LRRC4C: variants seen among roughly 807,000 people sequenced by gnomAD.
The protein encoded by LRRC4C is leucine-rich repeat-containing protein 4C.
Under a neutral mutation model 33.6 loss-of-function variants are expected in LRRC4C, and 5 were observed. The ratio of observed to expected loss-of-function variants is 0.15; its 90% CI spans 0.08 to 0.31. LRRC4C has a LOEUF of 0.31. LRRC4C is among the 10% of genes least tolerant of loss of function. The probability of loss-of-function intolerance (pLI) is 1.00; values close to 1 mark genes in which losing one functional copy is unlikely to be tolerated. For missense variants in LRRC4C, 560 were observed against 796.7 expected (o/e 0.70, Z 3.58); for synonymous variants, 329 against 302.0 (o/e 1.09, Z -0.93).
intron 1 of LRRC4C, among the ~76,000 whole-genome samples, chr11:41,183,950 G>A (rs1342442744): frequency 6.6e-6 from 1 of 152,190 alleles, no homozygotes; most frequent in African/African-American, 2.4e-5. Flanking sequence ...AAGCTGCCAA[G>A]GCTTGGGGCT....
chr11:41,179,496 A>T (rs1464385826), intron 1 of LRRC4C, among the ~76,000 whole-genome samples: 3 of 152,188 alleles, frequency 2.0e-5, no homozygotes, highest in Non-Finnish European at 4.4e-5. Context: ...CTTCTCATTA[A>T]CTATCTAATT....
chr11:40,433,453 G>C (rs1951017198), intron 3 of LRRC4C, among the ~76,000 whole-genome samples: 1 of 152,112 alleles, frequency 6.6e-6, no homozygotes, highest in African/African-American at 2.4e-5. Context: ...AAGTGCCAAG[G>C]AGAGTATTTC....
At chr11:40,217,082 G>A (rs1864031579) in intron 5 of LRRC4C, among the ~76,000 whole-genome samples, 1 of 152,130 alleles carries the variant, frequency 6.6e-6, no homozygotes, top group African/African-American at 2.4e-5. Flanking sequence ...GAAAGAACAC[G>A]AAGCTTAGAA....
At chr11:41,276,566 T>C (rs1404758741) in intron 1 of LRRC4C, among the ~76,000 whole-genome samples, 1 of 152,204 alleles carries the variant, frequency 6.6e-6, no homozygotes, top group Non-Finnish European at 1.5e-5. Context: ...GCTTTTGAAA[T>C]CATTCTCTTC....
intron 4 of LRRC4C, among the ~76,000 whole-genome samples, chr11:40,300,481 A>G (rs992093121): frequency 2.0e-5 from 3 of 152,232 alleles, no homozygotes; most frequent in Admixed American, 6.5e-5. Context: ...AAACTCAGCT[A>G]TGGTTGAAGT....
chr11:41,294,856 G>T (rs978736587), intron 1 of LRRC4C, among the ~76,000 whole-genome samples: 1 of 152,174 alleles, frequency 6.6e-6, no homozygotes, highest in African/African-American at 2.4e-5. Flanking sequence ...CATAAATGCA[G>T]CAATGACTTA....
At chr11:40,753,162 G>A (rs1447136794) in intron 2 of LRRC4C, among the ~76,000 whole-genome samples, 2 of 151,950 alleles carry the variant, frequency 1.3e-5, no homozygotes, top group African/African-American at 2.4e-5. Flanking sequence ...GGGGGAAATG[G>A]AGAGAGGTTG....
At chr11:40,446,717 A>T (rs186627277) in intron 3 of LRRC4C, 1 of 152,282 alleles carries the variant, frequency 6.6e-6, no homozygotes, top group African/African-American at 2.4e-5. Flanking sequence ...TGGAAGGTGA[A>T]GGGGTGCAGG....
Position 41,178,334 on chromosome 11 carries a change from G to A in LRRC4C, c.-495-244611C>T, listed in dbSNP as rs1192621676. ...AGGTTAATAAAAGTCCAGATCCATG[G>A]GATTTATGCCACACTTTCTATGTTG... On this transcript the variant is annotated intron_variant, in intron 1 of 6. Transcript: ENST00000528697. 2.0e-5 allele frequency among the ~76,000 whole-genome samples: 3 copies of A among 152,130 alleles called. No individual in the cohort carries two copies. The South Asian group carries it at 6.3e-4, about 32-fold the overall frequency.
chr11:40,518,132 T>A (rs893445799), intron 3 of LRRC4C, among the ~76,000 whole-genome samples: 12 of 152,146 alleles, frequency 7.9e-5, no homozygotes, highest in African/African-American at 2.4e-4. Context: ...AAGACTTAAA[T>A]GTAAGACCTT....
intron 1 of LRRC4C, among the ~76,000 whole-genome samples, chr11:40,970,850 G>T (rs1463551418): frequency 6.6e-6 from 1 of 152,184 alleles, no homozygotes; most frequent in African/African-American, 2.4e-5. Flanking sequence ...AAAGGGTTTA[G>T]CTGTTCTGTG....
At chr11:40,908,470 T>C (rs1332348972) in intron 2 of LRRC4C, among the ~76,000 whole-genome samples, 4 of 151,952 alleles carry the variant, frequency 2.6e-5, no homozygotes, top group Non-Finnish European at 5.9e-5. Context: ...GATCTGTCTG[T>C]CAAAACTAAA....
intron 1 of LRRC4C, among the ~76,000 whole-genome samples, chr11:41,452,633 A>G (rs1590329162): frequency 6.6e-6 from 1 of 152,166 alleles, no homozygotes; most frequent in East Asian, 1.9e-4. Flanking sequence ...TCCCCAGTTT[A>G]TGAAATTCTG....
At chr11:41,114,243 T>C (rs1381138790) in intron 1 of LRRC4C, among the ~76,000 whole-genome samples, 1 of 152,084 alleles carries the variant, frequency 6.6e-6, no homozygotes, top group Admixed American at 6.6e-5. Context: ...TAAATCTTTT[T>C]TTAAAAATCT....
At chr11:40,814,800 AG>A (rs1194194892) in intron 2 of LRRC4C, among the ~76,000 whole-genome samples, 1 of 151,998 alleles carries the variant, frequency 6.6e-6, no homozygotes, top group African/African-American at 2.4e-5. Context: ...ACATAGCAAA[AG>A]TGACATTTAC....
At chr11:40,274,749 C>T (rs561603174) in intron 4 of LRRC4C, among the ~76,000 whole-genome samples, 2 of 152,154 alleles carry the variant, frequency 1.3e-5, no homozygotes, top group South Asian at 4.1e-4. Context: ...TTTACAGAAA[C>T]ATAAGGCTCA....
chr11:40,487,036 C>T (rs1178536209), intron 3 of LRRC4C, among the ~76,000 whole-genome samples: 4 of 152,074 alleles, frequency 2.6e-5, no homozygotes, highest in South Asian at 2.1e-4. Context: ...AGTTATACGG[C>T]GGGGCTCCTA....
At chr11:40,786,692 G>A (rs1307228809) in intron 2 of LRRC4C, among the ~76,000 whole-genome samples, 1 of 151,940 alleles carries the variant, frequency 6.6e-6, no homozygotes, top group Admixed American at 6.6e-5. Flanking sequence ...ATGTAACAAG[G>A]GTCAACAAGG....
chr11:41,414,210 C>T (rs1332676768), intron 1 of LRRC4C, among the ~76,000 whole-genome samples: 1 of 152,102 alleles, frequency 6.6e-6, no homozygotes, highest in Non-Finnish European at 1.5e-5. Context: ...TGTGTTACTT[C>T]CTATGTTCCC....
Sources: gnomAD v4.1 joint callset for allele counts (sites outside exome capture counted in the v4.1 genomes callset) on GRCh38, gnomAD v4.1.1 for gene constraint, MANE v1.5 for transcripts, NCBI Gene and HGNC (gene_info 2026-07-23, HGNC 2026-07-21) for gene names.